FBN1: variants seen among roughly 807,000 people sequenced by gnomAD.
FBN1 encodes fibrillin 1, also known as fibrillin-1.
Under a neutral mutation model 365.1 loss-of-function variants are expected in FBN1, and 29 were observed. That is an observed-to-expected ratio of 0.08 (90% confidence interval 0.06 to 0.11). FBN1 has a LOEUF of 0.11. FBN1 is among the 10% of genes least tolerant of loss of function. The pLI, the probability that FBN1 is intolerant of heterozygous loss-of-function variation, is 1.00. For missense variants in FBN1, 2,476 were observed against 3,703.2 expected (o/e 0.67, Z 8.60); for synonymous variants, 1,210 against 1,270.5 (o/e 0.95, Z 1.01).
At chr15:48,445,582 G>GA (rs2043152593) in intron 47 of FBN1, 78 bp from the exon 48 acceptor site, 1 of 1,517,828 alleles carries the variant, frequency 6.6e-7, no homozygotes, top group South Asian at 1.1e-5. Flanking sequence ...ACTTCTAAAA[G>GA]AAAAAATACT....
intron 13 of FBN1, among the ~76,000 whole-genome samples, chr15:48,513,044 T>C (rs1387238583): frequency 6.6e-6 from 1 of 152,194 alleles, no homozygotes; most frequent in Non-Finnish European, 1.5e-5. Context: ...GGGGATCTTG[T>C]TAAAATATAG....
In FBN1 at chr15:48,520,910, G is replaced by T. The variant is rs2413907; in HGVS notation, c.989-93C>A. ...CCCGAGCAGCTCCATACTTCACACT[G>T]GGGCTACGGCAGGATTAACTCACAC... On this transcript the variant is annotated intron_variant, in intron 9 of 65. Transcript: ENST00000316623. 0.15 allele frequency: 236,755 copies of T among 1,544,164 alleles called. 20,362 individuals carry two copies. The highest frequency in any genetic ancestry group is 0.39 in the East Asian group (17,294 of 44,150).
At chr15:48,467,888 GA>G in intron 38 of FBN1, 49 bp downstream of exon 38, 1 of 1,520,632 alleles carries the variant, frequency 6.6e-7, no homozygotes, top group East Asian at 2.3e-5. Flanking sequence ...ATCTAGAAAG[GA>G]GAACTGGCTG....
At chr15:48,431,733 C>A (rs1342423220) in intron 55 of FBN1, among the ~76,000 whole-genome samples, 1 of 152,062 alleles carries the variant, frequency 6.6e-6, no homozygotes, top group Non-Finnish European at 1.5e-5. Flanking sequence ...CAGCTCACTG[C>A]AACCTCCACC....
intron 2 of FBN1, among the ~76,000 whole-genome samples, chr15:48,615,767 A>C (rs1333194267): frequency 6.6e-6 from 1 of 152,162 alleles, no homozygotes; most frequent in Non-Finnish European, 1.5e-5. Flanking sequence ...AAGAAGAGAG[A>C]AAGAGGGTAC....
At chr15:48,503,542 CTTGAGTATTA>C (rs551718751) in intron 17 of FBN1, among the ~76,000 whole-genome samples, 231 of 152,244 alleles carry the variant, frequency 1.5e-3, no homozygotes, top group Non-Finnish European at 2.9e-3. Context: ...TTGCAAACAG[CTTGAGTATTA>C]TTGAGGTAGG....
At chr15:48,609,065 C>T (rs1003233693) in intron 4 of FBN1, among the ~76,000 whole-genome samples, 2 of 152,208 alleles carry the variant, frequency 1.3e-5, no homozygotes, top group African/African-American at 2.4e-5. Flanking sequence ...TCTTTTCCAA[C>T]CCTGAGATGC....
intron 24 of FBN1, among the ~76,000 whole-genome samples, chr15:48,490,875 T>G (rs1167783851): frequency 6.6e-6 from 1 of 152,224 alleles, no homozygotes; most frequent in Non-Finnish European, 1.5e-5. Context: ...TCTGTGAAGC[T>G]CAACTGAGAT....
At chr15:48,505,869 A>G (rs1353484861) in intron 15 of FBN1, among the ~76,000 whole-genome samples, 2 of 152,128 alleles carry the variant, frequency 1.3e-5, no homozygotes, top group Non-Finnish European at 2.9e-5. Context: ...TCCCCCCTTA[A>G]TATGGGGAAG....
chr15:48,572,923 G>A (rs1000511343), intron 6 of FBN1, among the ~76,000 whole-genome samples: 10 of 152,080 alleles, frequency 6.6e-5, no homozygotes, highest in Non-Finnish European at 1.0e-4. Flanking sequence ...AAAACAAGAG[G>A]CGAAGGGCTC....
chr15:48,411,644 C>G (rs1052106724), intron 65 of FBN1, among the ~76,000 whole-genome samples: 11 of 152,234 alleles, frequency 7.2e-5, no homozygotes, highest in Non-Finnish European at 1.5e-4. Flanking sequence ...CCTGAACAAG[C>G]TGCATCAGCA....
At position 48,541,904 on chromosome 15, in the gene FBN1, A is replaced by G. The variant is rs188366054; in HGVS notation, c.539-4096T>C. Among the ~76,000 whole-genome samples the G allele has an allele frequency of 3.9e-5, 6 of 152,316 alleles. No individual in the cohort carries two copies. The East Asian group carries it at 1.2e-3, about 29-fold the overall frequency. On this transcript the variant is annotated intron_variant, in intron 6 of 65. Coordinates refer to ENST00000316623, the MANE Select transcript of FBN1 (RefSeq NM_000138.5). ...AATTGCTCTACAATCACTTCCTTAT[A>G]AGACCTTCATGAACTAGGGCAACAG...
At chr15:48,518,160 G>C (rs1334805004) in intron 10 of FBN1, among the ~76,000 whole-genome samples, 1 of 152,176 alleles carries the variant, frequency 6.6e-6, no homozygotes, top group Non-Finnish European at 1.5e-5. Flanking sequence ...TGTTGTTCAT[G>C]CTTCCCTGAC....
intron 6 of FBN1, among the ~76,000 whole-genome samples, chr15:48,545,138 G>T (rs2044085022): frequency 6.6e-6 from 1 of 152,096 alleles, no homozygotes; most frequent in Non-Finnish European, 1.5e-5. Context: ...TTTTTTCAAA[G>T]CCATGAAGCA....
intron 19 of FBN1, 100 bp downstream of exon 19, chr15:48,497,166 G>T (rs1597570186): frequency 7.2e-7 from 1 of 1,390,112 alleles, no homozygotes; most frequent in Non-Finnish European, 1.0e-6. Context: ...GTGTCCATTT[G>T]CCCAGTCCTC....
intron 63 of FBN1, among the ~76,000 whole-genome samples, chr15:48,419,346 C>T (rs527702945): frequency 1.4e-4 from 22 of 152,138 alleles, no homozygotes; most frequent in Middle Eastern, 3.4e-3. Context: ...GGTACAGGAG[C>T]GACATACCTT....
chr15:48,442,079 G>A (rs186561065), intron 49 of FBN1, among the ~76,000 whole-genome samples: 1 of 152,294 alleles, frequency 6.6e-6, no homozygotes, highest in African/African-American at 2.4e-5. Context: ...GCCTTCTAAG[G>A]GGTGCAGTGA....
chr15:48,542,781 A>ATG (rs58728910), intron 6 of FBN1, among the ~76,000 whole-genome samples: 12,739 of 130,360 alleles, frequency 0.098, 693 homozygotes, highest in East Asian at 0.25. Context: ...GGACTCTAAG[A>ATG]TGTGTGTGTG....
chr15:48,448,963 A>C (rs2043180243), intron 45 of FBN1, 70 bp from the exon 46 acceptor site: 2 of 1,329,080 alleles, frequency 1.5e-6, no homozygotes, highest in Admixed American at 1.7e-5. Flanking sequence ...ACTTCTAGCT[A>C]TCATTCTCAG....
Sources: allele counts gnomAD v4.1 joint callset (sites outside exome capture counted in the v4.1 genomes callset), GRCh38; gene constraint gnomAD v4.1.1; transcripts MANE v1.5; gene names NCBI Gene and HGNC (gene_info 2026-07-23, HGNC 2026-07-21).